AKAP6: variants seen among roughly 807,000 people sequenced by gnomAD.
AKAP6 encodes the protein A-kinase anchor protein 6.
In AKAP6, 58 loss-of-function variants were observed where a neutral mutation model predicts 188.5. That is an observed-to-expected ratio of 0.31 (90% CI 0.25 to 0.38). The LOEUF (loss-of-function observed/expected upper bound fraction) is 0.38. Ranked by LOEUF, AKAP6 falls within the 10% of genes least tolerant of loss-of-function variation. The pLI is 1.00. For missense variants in AKAP6, 2,710 were observed against 2,740.0 expected, an observed-to-expected ratio of 0.99 and a Z score of 0.24; for synonymous variants, 989 against 998.6, an observed-to-expected ratio of 0.99 and a Z score of 0.18.
chr14:32,761,097 G>A (rs893968472), intron 11 of AKAP6, among the ~76,000 whole-genome samples: 7 of 152,100 alleles, frequency 4.6e-5, no homozygotes, highest in Non-Finnish European at 8.8e-5. Flanking sequence ...TATTTTAGAC[G>A]CTATGAAAAT....
At chr14:32,581,741 T>C (rs1338362288) in intron 5 of AKAP6, among the ~76,000 whole-genome samples, 1 of 152,192 alleles carries the variant, frequency 6.6e-6, no homozygotes, top group African/African-American at 2.4e-5. Flanking sequence ...CCCTTTACCA[T>C]TATGTAATGG....
chr14:32,583,273 G>A (rs1301196578), intron 5 of AKAP6, among the ~76,000 whole-genome samples: 4 of 152,148 alleles, frequency 2.6e-5, no homozygotes, highest in Non-Finnish European at 5.9e-5. Context: ...CTGTTTGCCT[G>A]GGTATCAGCA....
At position 32,672,226 on chromosome 14, in the gene AKAP6, G is replaced by A. The variant is rs1057066238; in HGVS notation, c.2731-6085G>A. Reference sequence around the variant, plus strand: ...GAAAAGGAGTATCTCTAGTGATTTAGGTGCTAAATGCATACAAAATAAAGG... The same window carrying A: ...GAAAAGGAGTATCTCTAGTGATTTAAGTGCTAAATGCATACAAAATAAAGG... On this transcript the variant is annotated intron_variant, in intron 7 of 13. Transcript: ENST00000280979. Among the ~76,000 whole-genome samples the A allele has an allele frequency of 2.6e-5, 4 of 152,128 alleles. No homozygotes were observed. In the East Asian group the frequency reaches 7.7e-4, roughly 29 times the overall value.
At chr14:32,744,962 T>A (rs1414885624) in intron 11 of AKAP6, among the ~76,000 whole-genome samples, 3 of 152,178 alleles carry the variant, frequency 2.0e-5, no homozygotes, top group Non-Finnish European at 4.4e-5. Flanking sequence ...TGATTCTTTT[T>A]AATTATTTTA....
intron 9 of AKAP6, among the ~76,000 whole-genome samples, chr14:32,716,681 C>CTATCTATG: frequency 6.7e-6 from 1 of 149,126 alleles, no homozygotes. Context: ...ATCTATCTAT[C>CTATCTATG]TATCTATCTA....
chr14:32,699,302 T>C (rs1393114618), intron 9 of AKAP6, among the ~76,000 whole-genome samples: 1 of 152,156 alleles, frequency 6.6e-6, no homozygotes, highest in African/African-American at 2.4e-5. Flanking sequence ...GAGTACAGCA[T>C]CTATTGTGAT....
At chr14:32,724,943 A>C (rs1196208875) in intron 9 of AKAP6, among the ~76,000 whole-genome samples, 1 of 137,786 alleles carries the variant, frequency 7.3e-6, no homozygotes, top group Non-Finnish European at 1.5e-5. Context: ...TTTGTAATGC[A>C]ATGATGTAAT....
In AKAP6 at chr14:32,634,091, A is replaced by T. The variant is rs553763338; in HGVS notation, c.2730+33299A>T. Among the ~76,000 whole-genome samples, 39 of 152,230 alleles carry T rather than the reference A, an allele frequency of 2.6e-4. 1 individual carries two copies. The highest frequency in any genetic ancestry group is 9.4e-4 in the African/African-American group (39 of 41,572). ...CAATCTCTACACATCTGCTTAGAGC[A>T]GTAGAATACAGTGGTTAAAACTAGC... On this transcript the variant is annotated intron_variant, in intron 7 of 13. Coordinates refer to ENST00000280979, the MANE Select transcript of AKAP6 (RefSeq NM_004274.5).
intron 11 of AKAP6, among the ~76,000 whole-genome samples, chr14:32,747,003 C>T (rs751708775): frequency 6.6e-5 from 10 of 152,120 alleles, no homozygotes; most frequent in Non-Finnish European, 2.9e-5. Flanking sequence ...AAAGGAGTAT[C>T]ACTGATTTAC....
At chr14:32,637,713 A>G (rs1271220059) in intron 7 of AKAP6, among the ~76,000 whole-genome samples, 1 of 152,042 alleles carries the variant, frequency 6.6e-6, no homozygotes, top group Non-Finnish European at 1.5e-5. Flanking sequence ...TGCATTAACA[A>G]TGAGATGAGG....
chr14:32,442,236 G>A (rs193089760), intron 2 of AKAP6: 1 of 152,336 alleles, frequency 6.6e-6, no homozygotes, highest in Admixed American at 6.5e-5. Context: ...GTCAAACCAT[G>A]TATTTTGAGC....
At position 32,568,607 on chromosome 14, in the gene AKAP6, T is replaced by C. The variant is rs1352960251; in HGVS notation, c.2347-8513T>C. Among the ~76,000 whole-genome samples, 4 of 152,178 alleles carry C rather than the reference T, an allele frequency of 2.6e-5. No homozygotes were observed. Among genetic ancestry groups the C allele is most frequent in the Non-Finnish European group, 5.9e-5 (4 of 68,034 alleles). On this transcript the variant is annotated intron_variant, in intron 4 of 13. Transcript: ENST00000280979. The surrounding 1 kb of genome is among the most constrained non-coding windows in gnomAD (Gnocchi z 6.2). Reference sequence around the variant, plus strand: ...CAGTGTCTTGGAGGATTGGGGGTGCTTGAAGCAAGGTCTCACCTAGAGCAA... The same window carrying C: ...CAGTGTCTTGGAGGATTGGGGGTGCCTGAAGCAAGGTCTCACCTAGAGCAA...
At chr14:32,619,640 G>T (rs1886731824) in intron 7 of AKAP6, among the ~76,000 whole-genome samples, 1 of 152,062 alleles carries the variant, frequency 6.6e-6, no homozygotes, top group African/African-American at 2.4e-5. Flanking sequence ...GCTTAGGATT[G>T]TTTTGGCTAT....
chr14:32,753,056 A>G (rs1171850148), intron 11 of AKAP6, among the ~76,000 whole-genome samples: 1 of 152,152 alleles, frequency 6.6e-6, no homozygotes, highest in Non-Finnish European at 1.5e-5. Context: ...CTTCCTTAGG[A>G]TATATATCCA....
At chr14:32,334,790 G>A (rs956399887) in intron 1 of AKAP6, among the ~76,000 whole-genome samples, 10 of 152,130 alleles carry the variant, frequency 6.6e-5, no homozygotes, top group Admixed American at 2.6e-4. Context: ...TTAAGATTTG[G>A]TGAAGATAAA....
rs1886146792 is a variant in AKAP6, at chr14:32,606,877, G to A, written c.2730+6085G>A. Among the ~76,000 whole-genome samples, 5 of 152,270 alleles carry A rather than the reference G, an allele frequency of 3.3e-5. No homozygotes were observed. The South Asian group carries it at 1.0e-3, about 32-fold the overall frequency. ...TATATGTTTGCTCAGCCCTATGAAT[G>A]AAAGTGTTAGATATTGGCTGAGAAT... On this transcript the variant is annotated intron_variant, in intron 7 of 13. Coordinates refer to ENST00000280979, the MANE Select transcript of AKAP6 (RefSeq NM_004274.5).
intron 2 of AKAP6, among the ~76,000 whole-genome samples, chr14:32,516,809 ACAGTGACCAATT>A (rs1432963561): frequency 6.6e-6 from 1 of 152,214 alleles, no homozygotes; most frequent in South Asian, 2.1e-4. Flanking sequence ...AAGCCTAGAC[ACAGTGACCAATT>A]CAGTAGTAAT....
At chr14:32,774,012 T>C (rs1191332554) in intron 12 of AKAP6, 119 bp downstream of exon 12, 1 of 1,092,066 alleles carries the variant, frequency 9.2e-7, no homozygotes, top group African/African-American at 1.6e-5. Flanking sequence ...CTTAAAGTGG[T>C]TTTGCCATCT....
chr14:32,761,258 T>C (rs183644680), intron 11 of AKAP6, among the ~76,000 whole-genome samples: 153 of 152,322 alleles, frequency 1.0e-3, no homozygotes, highest in African/African-American at 3.7e-3. Context: ...TATTTCCCCA[T>C]GCTTGACTCT....
Sources: allele counts gnomAD v4.1 joint callset (sites outside exome capture counted in the v4.1 genomes callset), GRCh38; gene constraint gnomAD v4.1.1; non-coding constraint Gnocchi (gnomAD v3.1); transcripts MANE v1.5; gene names NCBI Gene and HGNC (gene_info 2026-07-23, HGNC 2026-07-21).